The following CTNNA3 variants were observed in gnomAD, a reference collection of about 807,000 sequenced individuals.
The protein encoded by CTNNA3 is catenin alpha 3, also known as catenin alpha-3.
CTNNA3 carries 76 observed loss-of-function variants against 95.7 expected under a neutral mutation model. That is an observed-to-expected ratio of 0.79 (90% confidence interval 0.66 to 0.96). The LOEUF is 0.96. CTNNA3 is among the 40% of genes least tolerant of loss of function. CTNNA3 has a pLI of 0.00. For synonymous variants in CTNNA3, 431 were observed against 374.4 expected (o/e 1.15, Z -1.74); for missense variants, 1,191 against 1,089.8 (o/e 1.09, Z -1.31).
intron 10 of CTNNA3, among the ~76,000 whole-genome samples, chr10:66,567,644 C>T (rs890344096): frequency 4.6e-5 from 7 of 151,832 alleles, no homozygotes; most frequent in South Asian, 4.2e-4. Flanking sequence ...TAAAAATAAA[C>T]GAGAGAGAGA....
chr10:66,876,537 G>A (rs1391757903), intron 7 of CTNNA3, among the ~76,000 whole-genome samples: 2 of 152,116 alleles, frequency 1.3e-5, no homozygotes, highest in Non-Finnish European at 2.9e-5. Flanking sequence ...AGAATGTAAT[G>A]TGGATATATC....
intron 9 of CTNNA3, among the ~76,000 whole-genome samples, chr10:66,693,615 T>C (rs975402541): frequency 5.3e-5 from 8 of 152,024 alleles, no homozygotes; most frequent in African/African-American, 1.7e-4. Context: ...GCGGACCTAA[T>C]AGACATCTAC....
intron 1 of CTNNA3, among the ~76,000 whole-genome samples, chr10:67,755,579 A>G (rs974212147): frequency 1.2e-4 from 19 of 152,198 alleles, no homozygotes; most frequent in Non-Finnish European, 2.8e-4. Context: ...AGGCAGATGG[A>G]TCATTTGAGG....
At chr10:66,851,270 A>C (rs1026193959) in intron 7 of CTNNA3, among the ~76,000 whole-genome samples, 1 of 152,136 alleles carries the variant, frequency 6.6e-6, no homozygotes, top group African/African-American at 2.4e-5. Context: ...CTTTGAATGC[A>C]TCCATATCCA....
intron 5 of CTNNA3, among the ~76,000 whole-genome samples, chr10:67,341,565 A>T (rs1842191889): frequency 6.6e-6 from 1 of 152,176 alleles, no homozygotes; most frequent in Non-Finnish European, 1.5e-5. Flanking sequence ...CATTGTGTAT[A>T]TGTACCACAT....
intron 1 of CTNNA3, among the ~76,000 whole-genome samples, chr10:67,688,283 T>C (rs1210031120): frequency 6.6e-6 from 1 of 151,556 alleles, no homozygotes; most frequent in South Asian, 2.1e-4. Context: ...AGCTCAGGGG[T>C]TTTTGTGGTC....
intron 5 of CTNNA3, among the ~76,000 whole-genome samples, chr10:67,481,838 A>G (rs1278542791): frequency 6.6e-6 from 1 of 152,082 alleles, no homozygotes; most frequent in Admixed American, 6.5e-5. Flanking sequence ...CTATGTCCTG[A>G]ATGGTAATGC....
intron 7 of CTNNA3, among the ~76,000 whole-genome samples, chr10:66,811,822 G>A (rs916578095): frequency 2.0e-5 from 3 of 152,180 alleles, no homozygotes; most frequent in African/African-American, 7.2e-5. Flanking sequence ...TCTGCTACTA[G>A]CAGACAGACC....
intron 5 of CTNNA3, among the ~76,000 whole-genome samples, chr10:67,437,902 A>C (rs1285301445): frequency 2.0e-5 from 3 of 152,072 alleles, no homozygotes; most frequent in Non-Finnish European, 2.9e-5. Flanking sequence ...AGGGCAACAA[A>C]TAATGGCTTG....
intron 7 of CTNNA3, among the ~76,000 whole-genome samples, chr10:66,852,822 C>G (rs1843544554): frequency 6.6e-6 from 1 of 152,096 alleles, no homozygotes; most frequent in African/African-American, 2.4e-5. Context: ...TTAAAAAAAA[C>G]TTCACACTGG....
intron 11 of CTNNA3, among the ~76,000 whole-genome samples, chr10:66,444,451 A>G (rs11497939): frequency 0.38 from 57,990 of 151,876 alleles, 11,620 homozygotes; most frequent in African/African-American, 0.5. Flanking sequence ...ACAAAGGGAA[A>G]GCCATCAGAC....
At chr10:66,072,443 T>TTTTTGTTTTG (rs10674853) in intron 14 of CTNNA3, among the ~76,000 whole-genome samples, 70,452 of 150,882 alleles carry the variant, frequency 0.47, 16,785 homozygotes, top group South Asian at 0.55. Flanking sequence ...CATTTTCTTG[T>TTTTTGTTTTG]TTTTGTTTTG....
chr10:66,750,394 A>T (rs1473888256), intron 9 of CTNNA3, among the ~76,000 whole-genome samples: 2 of 152,168 alleles, frequency 1.3e-5, no homozygotes, highest in Non-Finnish European at 2.9e-5. Context: ...ATTTTTGAGC[A>T]GGGTGCTGGG....
chr10:66,296,318 T>C (rs1287445627), intron 12 of CTNNA3, among the ~76,000 whole-genome samples: 1 of 152,152 alleles, frequency 6.6e-6, no homozygotes, highest in Admixed American at 6.5e-5. Flanking sequence ...TTCTCAGCTG[T>C]TACTCAAATT....
At chr10:67,051,750 A>C (rs1855112414) in intron 7 of CTNNA3, among the ~76,000 whole-genome samples, 1 of 76,516 alleles carries the variant, frequency 1.3e-5, no homozygotes, top group South Asian at 5.4e-4. Context: ...ATTGTAGTCT[A>C]TCCTACAATT....
chr10:66,350,388 G>T (rs1030101802), intron 12 of CTNNA3, among the ~76,000 whole-genome samples: 1 of 152,040 alleles, frequency 6.6e-6, no homozygotes, highest in South Asian at 2.1e-4. Flanking sequence ...ATACTTTTTA[G>T]CATTTGTCCA....
chr10:66,947,927 A>G, intron 7 of CTNNA3, among the ~76,000 whole-genome samples: 1 of 152,208 alleles, frequency 6.6e-6, no homozygotes, highest in East Asian at 1.9e-4. Context: ...AACCTAGATG[A>G]CAGTCTACTA....
intron 7 of CTNNA3, among the ~76,000 whole-genome samples, chr10:67,003,157 C>A (rs998822480): frequency 1.3e-5 from 2 of 152,150 alleles, no homozygotes; most frequent in African/African-American, 4.8e-5. Context: ...TGACTTCATT[C>A]CTTACCAGGA....
intron 13 of CTNNA3, among the ~76,000 whole-genome samples, chr10:66,249,404 A>G (rs1445839997): frequency 6.6e-6 from 1 of 152,210 alleles, no homozygotes; most frequent in Admixed American, 6.5e-5. Flanking sequence ...AGAATATATA[A>G]GTAGCTCAAA....
Sources: allele counts gnomAD v4.1 joint callset (sites outside exome capture counted in the v4.1 genomes callset), GRCh38; gene constraint gnomAD v4.1.1; transcripts MANE v1.5; gene names NCBI Gene and HGNC (gene_info 2026-07-23, HGNC 2026-07-21).